The following DACH2 variants were observed in gnomAD, a reference collection of about 807,000 sequenced individuals.
DACH2 encodes the protein dachshund family transcription factor 2.
A neutral mutation model predicts 35.8 loss-of-function variants in DACH2; 17 were observed. The ratio of observed to expected loss-of-function variants is 0.48; its 90% confidence interval spans 0.33 to 0.71. The LOEUF is 0.71. Among genes scored for constraint, DACH2 ranks in the 30% least tolerant of loss-of-function variants. DACH2 has a pLI of 0.02. For missense variants in DACH2, 469 were observed against 472.7 expected, an observed-to-expected ratio of 0.99 and a Z score of 0.07; for synonymous variants, 195 against 177.3, an observed-to-expected ratio of 1.10 and a Z score of -0.79.
chrX:86,300,973 A>C (rs761798069), intron 1 of DACH2, among the ~76,000 whole-genome samples: 1 of 112,338 alleles, frequency 8.9e-6, no homozygotes, highest in African/African-American at 3.2e-5. Flanking sequence ...TGAACAATGT[A>C]GTATGAAGTG....
At chrX:86,184,272 A>T in intron 1 of DACH2, 1 of 152,947 alleles carries the variant, frequency 6.5e-6, no homozygotes, top group Non-Finnish European at 1.3e-5. Context: ...CAGTGGTGTG[A>T]TCTTGGCTCG....
intron 2 of DACH2, among the ~76,000 whole-genome samples, chrX:86,467,782 G>T (rs1242795573): frequency 8.0e-5 from 9 of 111,917 alleles, no homozygotes; most frequent in African/African-American, 2.6e-4. Flanking sequence ...CAATCATGGT[G>T]GAAGGGAAAG....
chrX:86,412,260 G>A (rs1232458967), intron 2 of DACH2, among the ~76,000 whole-genome samples: 4 of 111,349 alleles, frequency 3.6e-5, no homozygotes, highest in Non-Finnish European at 5.7e-5. Flanking sequence ...TTGTGGGAAC[G>A]GAAAGCAAAA....
At chrX:86,444,562 A>G (rs1330729932) in intron 2 of DACH2, among the ~76,000 whole-genome samples, 1 of 111,992 alleles carries the variant, frequency 8.9e-6, no homozygotes, top group African/African-American at 3.2e-5. Context: ...ACAGGAATTT[A>G]TCCAATTTGT....
intron 2 of DACH2, among the ~76,000 whole-genome samples, chrX:86,417,308 A>T (rs1015251761): frequency 1.8e-5 from 2 of 111,123 alleles, no homozygotes; most frequent in Admixed American, 9.6e-5. Context: ...TATATTGAAG[A>T]GCTCTAGATT....
chrX:86,171,535 T>C (rs186862115), intron 1 of DACH2, among the ~76,000 whole-genome samples: 4 of 111,921 alleles, frequency 3.6e-5, no homozygotes, highest in African/African-American at 1.3e-4. Context: ...ACAGCTGGGA[T>C]TGGGGATTCC....
intron 1 of DACH2, among the ~76,000 whole-genome samples, chrX:86,306,456 T>A (rs2034690183): frequency 8.9e-6 from 1 of 112,027 alleles, no homozygotes; most frequent in Admixed American, 9.5e-5. Context: ...TACAGAGTAT[T>A]AATCCTGGGT....
chrX:86,412,361 G>T lies in DACH2; in HGVS notation c.527+35499G>T, dbSNP rs375886579. On this transcript the variant is annotated intron_variant, in intron 2 of 11. Transcript: ENST00000373125. ...CAGGACTTATGAATCCTGGCAATGG[G>T]AAAAACAGTAACATATATTGGATGC... Among the ~76,000 whole-genome samples, 29 of 111,637 alleles carry T rather than the reference G, an allele frequency of 2.6e-4. No individual in the cohort carries two copies. The East Asian group carries it at 2.9e-3, about 11-fold the overall frequency.
In DACH2 at chrX:86,639,474, G is replaced by A. The variant is rs774440243; in HGVS notation, c.641-11562G>A. On this transcript the variant is annotated intron_variant, in intron 3 of 11. Transcript: ENST00000373125. ...GGAGCCTTAAATACTTGGGCTTACT[G>A]GCAAAGGTAGCTGCAGCTCCTGCAA... 3.6e-5 allele frequency among the ~76,000 whole-genome samples: 4 copies of A among 111,552 alleles called. No individual in the cohort carries two copies. The South Asian group carries it at 1.5e-3, about 43-fold the overall frequency.
At chrX:86,779,184 G>A (rs771043334) in intron 7 of DACH2, among the ~76,000 whole-genome samples, 2 of 111,757 alleles carry the variant, frequency 1.8e-5, no homozygotes, top group Non-Finnish European at 3.8e-5. Flanking sequence ...CCAGAAAAGA[G>A]GGATGGTCTG....
chrX:86,588,789 T>C (rs757062542), intron 3 of DACH2, among the ~76,000 whole-genome samples: 1 of 111,038 alleles, frequency 9.0e-6, no homozygotes, highest in East Asian at 2.9e-4. Context: ...TCCTAGGTAT[T>C]GAATTGTTTT....
chrX:86,656,877 A>ATATATATATG (rs1556359292), intron 4 of DACH2, among the ~76,000 whole-genome samples: 16 of 98,628 alleles, frequency 1.6e-4, no homozygotes, highest in African/African-American at 6.0e-4. Context: ...ATATATATAT[A>ATATATATATG]TATATATATA....
chrX:86,148,676 C>CG lies in DACH2; in HGVS notation c.62dup (p.Phe23IlefsTer19), dbSNP rs776345291. The CG allele has an allele frequency of 2.5e-6, 3 of 1,203,332 alleles. No individual in the cohort carries two copies. The highest frequency in any genetic ancestry group is 3.4e-6 in the Non-Finnish European group (3 of 891,303). Reference sequence around the variant, plus strand: ...GCAACTTCCAGCGGCGCCGGCGTCCCGGGGGGCTTATTCCGGGCCGAACCC... The same window carrying CG: ...GCAACTTCCAGCGGCGCCGGCGTCCCGGGGGGGCTTATTCCGGGCCGAACCC... On this transcript the variant is annotated frameshift_variant, in exon 1 of 12. Transcript: ENST00000373125. LOFTEE classifies it high-confidence loss of function.
At chrX:86,275,948 A>G (rs922303904) in intron 1 of DACH2, among the ~76,000 whole-genome samples, 8 of 112,231 alleles carry the variant, frequency 7.1e-5, no homozygotes, top group Non-Finnish European at 1.3e-4. Context: ...TTCTTTATTC[A>G]TTCATCTCTT....
intron 1 of DACH2, among the ~76,000 whole-genome samples, chrX:86,373,010 C>A (rs141776710): frequency 0.046 from 5,128 of 110,878 alleles, 135 homozygotes; most frequent in Middle Eastern, 0.11. Flanking sequence ...TGATTTTGTT[C>A]TTTTTTATGG....
intron 3 of DACH2, among the ~76,000 whole-genome samples, chrX:86,643,833 T>C (rs903890747): frequency 9.0e-6 from 1 of 111,653 alleles, no homozygotes; most frequent in African/African-American, 3.3e-5. Flanking sequence ...TAAATGTGAT[T>C]CATCACATAA....
At chrX:86,333,172 TC>T (rs2035242799) in intron 1 of DACH2, among the ~76,000 whole-genome samples, 1 of 112,210 alleles carries the variant, frequency 8.9e-6, no homozygotes, top group Admixed American at 9.5e-5. Flanking sequence ...TCTTTAATTC[TC>T]TTGATTTCCA....
At chrX:86,581,296 C>A (rs1325100766) in intron 3 of DACH2, among the ~76,000 whole-genome samples, 1 of 111,648 alleles carries the variant, frequency 9.0e-6, no homozygotes, top group Non-Finnish European at 1.9e-5. Flanking sequence ...AGATCATTGA[C>A]ACTATACAGC....
At chrX:86,519,752 C>G (rs143272696) in intron 3 of DACH2, among the ~76,000 whole-genome samples, 5,390 of 110,524 alleles carry the variant, frequency 0.049, 114 homozygotes, top group Middle Eastern at 0.1. Flanking sequence ...TTCCCTTCAT[C>G]ATCTCTAATT....
Sources: gnomAD v4.1 joint callset for allele counts (sites outside exome capture counted in the v4.1 genomes callset) on GRCh38, gnomAD v4.1.1 for gene constraint, MANE v1.5 for transcripts, NCBI Gene and HGNC (gene_info 2026-07-23, HGNC 2026-07-21) for gene names.